The following PLXDC2 variants were observed in gnomAD, a reference collection of about 807,000 sequenced individuals.
The protein encoded by PLXDC2 is plexin domain-containing protein 2.
PLXDC2 carries 40 observed loss-of-function variants against 68.9 expected under a neutral mutation model. The ratio of observed to expected loss-of-function variants is 0.58; its 90% CI spans 0.45 to 0.76. The LOEUF is 0.76. PLXDC2 is among the 30% of genes least tolerant of loss of function. The probability of loss-of-function intolerance (pLI) is 0.00; values close to 1 mark genes in which losing one functional copy is unlikely to be tolerated. For missense variants in PLXDC2, 644 were observed against 661.9 expected, an observed-to-expected ratio of 0.97 and a Z score of 0.30; for synonymous variants, 243 against 234.2, an observed-to-expected ratio of 1.04 and a Z score of -0.34.
intron 9 of PLXDC2, among the ~76,000 whole-genome samples, chr10:20,202,843 G>C (rs1432787887): frequency 6.6e-6 from 1 of 152,148 alleles, no homozygotes; most frequent in Non-Finnish European, 1.5e-5. Context: ...TAGAGTTGCT[G>C]TTTCCTAAAC....
At chr10:20,158,726 T>C (rs964502955) in intron 6 of PLXDC2, among the ~76,000 whole-genome samples, 2 of 151,776 alleles carry the variant, frequency 1.3e-5, no homozygotes, top group African/African-American at 4.8e-5. Context: ...ATTTTAAATG[T>C]ACCTTTTAAT....
At chr10:19,889,347 C>CA (rs954477024) in intron 1 of PLXDC2, among the ~76,000 whole-genome samples, 2 of 151,978 alleles carry the variant, frequency 1.3e-5, no homozygotes, top group Admixed American at 6.6e-5. Context: ...TGAATTAACT[C>CA]ATTCAAGCCA....
chr10:19,908,099 T>C (rs1481167229), intron 1 of PLXDC2, among the ~76,000 whole-genome samples: 1 of 152,146 alleles, frequency 6.6e-6, no homozygotes, highest in African/African-American at 2.4e-5. Context: ...TTACTAAATA[T>C]ATATATGTAA....
intron 1 of PLXDC2, among the ~76,000 whole-genome samples, chr10:19,924,248 T>C (rs1358488609): frequency 3.3e-5 from 5 of 152,160 alleles, no homozygotes; most frequent in Non-Finnish European, 7.3e-5. Context: ...TCTCACTCTC[T>C]TCCTTTACGT....
chr10:19,889,225 T>C (rs892507587), intron 1 of PLXDC2, among the ~76,000 whole-genome samples: 1 of 151,980 alleles, frequency 6.6e-6, no homozygotes, highest in African/African-American at 2.4e-5. Flanking sequence ...TATATAAAAT[T>C]ATTTTTCTTC....
chr10:20,172,894 G>A (rs1834467401), intron 7 of PLXDC2, among the ~76,000 whole-genome samples: 1 of 152,210 alleles, frequency 6.6e-6, no homozygotes, highest in African/African-American at 2.4e-5. Context: ...TAAGGTTTAT[G>A]TTTTATTGAA....
chr10:19,965,710 G>GAT, intron 1 of PLXDC2, among the ~76,000 whole-genome samples: 1 of 111,160 alleles, frequency 9.0e-6, no homozygotes, highest in African/African-American at 3.3e-5. Flanking sequence ...CTGGAAAACA[G>GAT]TTTTTTTTGG....
At chr10:20,236,025 A>G (rs1053777370) in intron 12 of PLXDC2, among the ~76,000 whole-genome samples, 1 of 152,242 alleles carries the variant, frequency 6.6e-6, no homozygotes, top group African/African-American at 2.4e-5. Context: ...TGAGATTAAA[A>G]GAGAAAATAG....
intron 1 of PLXDC2, among the ~76,000 whole-genome samples, chr10:19,880,187 C>T (rs1837702267): frequency 6.6e-6 from 1 of 152,062 alleles, no homozygotes; most frequent in Non-Finnish European, 1.5e-5. Context: ...AATAGTGATA[C>T]TTAAAAATCA....
At chr10:20,102,360 G>C (rs1833434910) in intron 4 of PLXDC2, among the ~76,000 whole-genome samples, 1 of 152,044 alleles carries the variant, frequency 6.6e-6, no homozygotes, top group South Asian at 2.1e-4. Flanking sequence ...ATCTGTCTGA[G>C]GGTAAAAAGA....
chr10:20,146,995 G>A (rs982171099), intron 5 of PLXDC2, among the ~76,000 whole-genome samples: 1 of 151,932 alleles, frequency 6.6e-6, no homozygotes, highest in Non-Finnish European at 1.5e-5. Flanking sequence ...AGTCTTAGCA[G>A]CTCATTTCTT....
chr10:19,831,338 G>T (rs1836688333), intron 1 of PLXDC2, among the ~76,000 whole-genome samples: 1 of 151,948 alleles, frequency 6.6e-6, no homozygotes, highest in Admixed American at 6.6e-5. Flanking sequence ...TATTTGGCTA[G>T]CAGTTCCTGT....
At chr10:20,070,255 C>T (rs370858960) in intron 4 of PLXDC2, among the ~76,000 whole-genome samples, 148 of 152,202 alleles carry the variant, frequency 9.7e-4, no homozygotes, top group Non-Finnish European at 1.8e-3. Context: ...GTGTATAATA[C>T]ATTAAAGTGT....
At position 19,993,911 on chromosome 10, in the gene PLXDC2, C is replaced by T. The variant is rs527428489; in HGVS notation, c.113-7864C>T. Among the ~76,000 whole-genome samples, 4 of 152,350 alleles carry T rather than the reference C, an allele frequency of 2.6e-5. No individual in the cohort carries two copies. In the East Asian group the frequency reaches 5.8e-4, roughly 22 times the overall value. ...TAGGGAATGTGCAGGGCACTTGCATCTTGGCCATAGGCCTGCATGGTTCTA... is the reference window on the plus strand; with the variant it reads ...TAGGGAATGTGCAGGGCACTTGCATTTTGGCCATAGGCCTGCATGGTTCTA... On this transcript the variant is annotated intron_variant, in intron 1 of 13. Transcript: ENST00000377252.
At chr10:19,890,339 C>G (rs192267895) in intron 1 of PLXDC2, among the ~76,000 whole-genome samples, 9 of 152,036 alleles carry the variant, frequency 5.9e-5, no homozygotes, top group African/African-American at 2.2e-4. Flanking sequence ...TATGAATCAT[C>G]CCATCACCCA....
chr10:20,078,061 G>C (rs1836481660), intron 4 of PLXDC2, among the ~76,000 whole-genome samples: 4 of 151,946 alleles, frequency 2.6e-5, no homozygotes, highest in Admixed American at 2.0e-4. Context: ...TCATAAGCCA[G>C]GTTTACTGTT....
intron 4 of PLXDC2, among the ~76,000 whole-genome samples, chr10:20,112,338 G>GA (rs5783718): frequency 0.23 from 29,851 of 131,280 alleles, 3,698 homozygotes; most frequent in East Asian, 0.53. Flanking sequence ...ATAGGAAAAT[G>GA]AAAAAAAAAA....
chr10:20,070,623 C>T (rs887554968), intron 4 of PLXDC2, among the ~76,000 whole-genome samples: 1 of 152,144 alleles, frequency 6.6e-6, no homozygotes, highest in Non-Finnish European at 1.5e-5. Flanking sequence ...AGCCATGAAT[C>T]ATATCCTGTC....
chr10:20,112,842 A>T (rs945258569), intron 4 of PLXDC2, among the ~76,000 whole-genome samples: 1 of 152,260 alleles, frequency 6.6e-6, no homozygotes, highest in Admixed American at 6.5e-5. Flanking sequence ...AGACAAACAC[A>T]TTGCCAACAG....
Sources: allele counts gnomAD v4.1 joint callset (sites outside exome capture counted in the v4.1 genomes callset), GRCh38; gene constraint gnomAD v4.1.1; transcripts MANE v1.5; gene names NCBI Gene and HGNC (gene_info 2026-07-23, HGNC 2026-07-21).